Variants in CSMD1 observed in about 807,000 individuals in gnomAD.
CSMD1 encodes the protein CUB and Sushi multiple domains 1, also known as CUB and sushi domain-containing protein 1.
Under a neutral mutation model 417.5 loss-of-function variants are expected in CSMD1, and 213 were observed. The ratio of observed to expected loss-of-function variants is 0.51; its 90% CI spans 0.46 to 0.57. The LOEUF (loss-of-function observed/expected upper bound fraction) is 0.57. Among genes scored for constraint, CSMD1 ranks in the 20% least tolerant of loss-of-function variants. The pLI, the probability that CSMD1 is intolerant of heterozygous loss-of-function variation, is 0.00. For synonymous variants in CSMD1, 2,862 were observed against 1,736.8 expected (o/e 1.65, Z -16.11); for missense variants, 6,923 against 4,529.7 (o/e 1.53, Z -15.17).
At chr8:4,374,219 C>T (rs1445365942) in intron 3 of CSMD1, among the ~76,000 whole-genome samples, 1 of 152,134 alleles carries the variant, frequency 6.6e-6, no homozygotes, top group Non-Finnish European at 1.5e-5. Context: ...GGATTAACAG[C>T]AGTCCCCACA....
chr8:4,895,704 T>C (rs1804438122), intron 1 of CSMD1, among the ~76,000 whole-genome samples: 1 of 151,928 alleles, frequency 6.6e-6, no homozygotes, highest in South Asian at 2.1e-4. Flanking sequence ...TTTTTTTTTT[T>C]CTCCTCAGTC....
chr8:3,294,804 C>A (rs1016807986), intron 25 of CSMD1, among the ~76,000 whole-genome samples: 9 of 152,094 alleles, frequency 5.9e-5, no homozygotes, highest in African/African-American at 1.9e-4. Flanking sequence ...TGCTTTGGCT[C>A]CCGCTTGGTG....
At chr8:4,878,542 T>C (rs1215059760) in intron 1 of CSMD1, among the ~76,000 whole-genome samples, 3 of 151,906 alleles carry the variant, frequency 2.0e-5, no homozygotes, top group Non-Finnish European at 2.9e-5. Flanking sequence ...TTATTTCTTG[T>C]ACAACCCCCA....
At position 3,482,472 on chromosome 8, in the gene CSMD1, A is replaced by C. The variant is rs538071719; in HGVS notation, c.1448+11151T>G. Among the ~76,000 whole-genome samples, 9 of 152,362 alleles carry C rather than the reference A, an allele frequency of 5.9e-5. No homozygotes were observed. In the South Asian group the frequency reaches 1.9e-3, roughly 32 times the overall value. On this transcript the variant is annotated intron_variant, in intron 11 of 69. Transcript: ENST00000635120. ...AAGGATTGACCCACCAGAAATATGT[A>C]ACACTCCTAAATGTGTACAAACCAA... is the stretch of plus-strand genomic sequence containing the variant.
At chr8:4,875,126 T>A (rs1802968873) in intron 1 of CSMD1, among the ~76,000 whole-genome samples, 2 of 151,804 alleles carry the variant, frequency 1.3e-5, no homozygotes, top group African/African-American at 4.9e-5. Flanking sequence ...AAGCCCTCCT[T>A]CCCTCATGGT....
intron 2 of CSMD1, among the ~76,000 whole-genome samples, chr8:4,609,908 C>T (rs1801073692): frequency 6.6e-6 from 1 of 152,088 alleles, no homozygotes; most frequent in South Asian, 2.1e-4. Context: ...GAAGGATCCC[C>T]TTTACAAGGA....
intron 1 of CSMD1, among the ~76,000 whole-genome samples, chr8:4,753,576 C>A (rs1292326646): frequency 6.6e-6 from 1 of 152,138 alleles, no homozygotes; most frequent in Non-Finnish European, 1.5e-5. Context: ...TCCATCACTT[C>A]TCATTGGCAC....
At chr8:4,263,274 TAAAC>T (rs1804009985) in intron 3 of CSMD1, among the ~76,000 whole-genome samples, 1 of 152,116 alleles carries the variant, frequency 6.6e-6, no homozygotes, top group South Asian at 2.1e-4. Flanking sequence ...TTAGATTTCT[TAAAC>T]AAAAATGTAC....
intron 12 of CSMD1, among the ~76,000 whole-genome samples, chr8:3,436,285 C>G (rs147726430): frequency 1.3e-5 from 2 of 152,262 alleles, no homozygotes; most frequent in South Asian, 2.1e-4. Context: ...TAAGATACAT[C>G]CCATATCAGA....
intron 7 of CSMD1, among the ~76,000 whole-genome samples, chr8:3,701,005 T>G (rs1585098056): frequency 7.1e-6 from 1 of 141,140 alleles, no homozygotes. Flanking sequence ...GGTTTGGGGG[T>G]AACGAGAAAG....
intron 5 of CSMD1, among the ~76,000 whole-genome samples, chr8:3,830,177 T>C (rs1585058105): frequency 1.3e-5 from 2 of 152,302 alleles, no homozygotes; most frequent in South Asian, 4.1e-4. Context: ...TCCATGAAGC[T>C]GATTTATGAA....
At chr8:4,848,658 G>C (rs1801288711) in intron 1 of CSMD1, among the ~76,000 whole-genome samples, 1 of 151,496 alleles carries the variant, frequency 6.6e-6, no homozygotes, top group Non-Finnish European at 1.5e-5. Context: ...TCCTGGCTCT[G>C]CCTCTCGAGT....
chr8:3,616,141 C>G (rs947431754), intron 8 of CSMD1, among the ~76,000 whole-genome samples: 6 of 152,068 alleles, frequency 3.9e-5, no homozygotes, highest in South Asian at 2.1e-4. Flanking sequence ...TGGAATATGA[C>G]ATTTACATGG....
intron 18 of CSMD1, among the ~76,000 whole-genome samples, chr8:3,386,944 G>T (rs1215380735): frequency 1.3e-5 from 2 of 152,182 alleles, no homozygotes; most frequent in African/African-American, 4.8e-5. Context: ...AATCAGGAAT[G>T]TTATTTGTCT....
intron 3 of CSMD1, among the ~76,000 whole-genome samples, chr8:4,244,947 C>G (rs967205558): frequency 2.6e-5 from 4 of 152,038 alleles, no homozygotes; most frequent in Admixed American, 6.6e-5. Context: ...TGCTTGAAAA[C>G]AAATAAACTT....
At position 3,949,351 on chromosome 8, in the gene CSMD1, A is replaced by G. The variant is rs563329094; in HGVS notation, c.818+48552T>C. 1.1e-3 allele frequency among the ~76,000 whole-genome samples: 165 copies of G among 152,226 alleles called. 1 individual carries two copies. Among genetic ancestry groups the G allele is most frequent in the Non-Finnish European group, 1.6e-3 (108 of 68,016 alleles). On this transcript the variant is annotated intron_variant, in intron 5 of 69. Coordinates refer to ENST00000635120, the MANE Select transcript of CSMD1 (RefSeq NM_033225.6). ...GTAGCCTCTGACCAAGATCTCCCCA[A>G]CACCTCAATCTCACAGTCCCTGGAA...
At chr8:4,667,124 G>A (rs1487833864) in intron 1 of CSMD1, among the ~76,000 whole-genome samples, 2 of 152,030 alleles carry the variant, frequency 1.3e-5, no homozygotes, top group African/African-American at 2.4e-5. Flanking sequence ...TCTCCATTGT[G>A]TTACCTTGTC....
chr8:4,173,408 G>C (rs1246796360), intron 3 of CSMD1, among the ~76,000 whole-genome samples: 1 of 152,070 alleles, frequency 6.6e-6, no homozygotes, highest in African/African-American at 2.4e-5. Context: ...TGCATTTAAC[G>C]TGGTGACTAC....
chr8:4,260,841 A>G (rs184094521), intron 3 of CSMD1, among the ~76,000 whole-genome samples: 6 of 152,238 alleles, frequency 3.9e-5, no homozygotes, highest in Admixed American at 6.5e-5. Context: ...TTTGTCTCCA[A>G]TAATTGTTTT....
Sources: allele counts gnomAD v4.1 joint callset (sites outside exome capture counted in the v4.1 genomes callset), GRCh38; gene constraint gnomAD v4.1.1; transcripts MANE v1.5; gene names NCBI Gene and HGNC (gene_info 2026-07-23, HGNC 2026-07-21).